The following DAPK2 variants were observed in gnomAD, a reference collection of about 807,000 sequenced individuals.
DAPK2 encodes death associated protein kinase 2, also known as death-associated protein kinase 2.
DAPK2 carries 35 observed loss-of-function variants against 44.1 expected under a neutral mutation model. The ratio of observed to expected loss-of-function variants is 0.79; its 90% CI spans 0.61 to 1.05. The LOEUF (loss-of-function observed/expected upper bound fraction) is 1.05, where lower values mean the gene tolerates loss of function less well. Ranked by LOEUF, DAPK2 falls within the 50% of genes least tolerant of loss-of-function variation. The probability of loss-of-function intolerance (pLI) is 0.00; values close to 1 mark genes in which losing one functional copy is unlikely to be tolerated. For synonymous variants in DAPK2, 174 were observed against 182.6 expected (o/e 0.95, Z 0.38); for missense variants, 453 against 483.2 (o/e 0.94, Z 0.59).
chr15:63,977,380 G>A (rs2078383420), intron 2 of DAPK2, among the ~76,000 whole-genome samples: 1 of 152,124 alleles, frequency 6.6e-6, no homozygotes, highest in South Asian at 2.1e-4. Flanking sequence ...GAGTAACCCT[G>A]GGTCTGCTCT....
chr15:63,910,465 G>C (rs553360778), intron 10 of DAPK2, among the ~76,000 whole-genome samples: 2 of 152,204 alleles, frequency 1.3e-5, no homozygotes, highest in East Asian at 1.9e-4. Flanking sequence ...CTCCATAAGC[G>C]GGGGGAGGGG....
intron 3 of DAPK2, among the ~76,000 whole-genome samples, chr15:63,949,642 T>A (rs1318756843): frequency 2.6e-5 from 4 of 152,196 alleles, no homozygotes; most frequent in African/African-American, 9.7e-5. Flanking sequence ...CACCAGGAGT[T>A]GGCTCCAAGA....
At chr15:64,038,584 T>C (rs433437) in intron 1 of DAPK2, among the ~76,000 whole-genome samples, 124,738 of 151,992 alleles carry the variant, frequency 0.82, 51,502 homozygotes, top group East Asian at 0.92. Flanking sequence ...CACCATCCAG[T>C]CAGCCAGGAC....
Position 63,923,275 on chromosome 15 carries a change from C to T in DAPK2, c.858+1541G>A, listed in dbSNP as rs1385335400. 2.6e-6 allele frequency: 4 copies of T among 1,535,802 alleles called. No homozygotes were observed. Among genetic ancestry groups the T allele is most frequent in the Non-Finnish European group, 3.5e-6 (4 of 1,146,754 alleles). Reference sequence around the variant, plus strand: ...AGTGGCATTTGAGAGTGTACTCTCTCAGGTGCTTGGTCTTCAGCTGGGTGG... The same window carrying T: ...AGTGGCATTTGAGAGTGTACTCTCTTAGGTGCTTGGTCTTCAGCTGGGTGG... On this transcript the variant is annotated intron_variant, in intron 8 of 10. Coordinates refer to ENST00000261891, the Ensembl canonical transcript of DAPK2. The surrounding 1 kb of genome is among the most constrained non-coding windows in gnomAD (Gnocchi z 4.2).
chr15:63,993,341 T>C (rs1018825578), intron 1 of DAPK2, among the ~76,000 whole-genome samples: 4 of 152,162 alleles, frequency 2.6e-5, no homozygotes, highest in African/African-American at 9.7e-5. Flanking sequence ...GAAAGGTCTT[T>C]TTACTTTCCC....
In DAPK2 at chr15:64,017,527, G is replaced by A. The variant is rs573739165; in HGVS notation, c.92+22643C>T. Among the ~76,000 whole-genome samples the A allele has an allele frequency of 3.5e-4, 53 of 152,290 alleles. No homozygotes were observed. The East Asian group carries it at 8.3e-3, about 24-fold the overall frequency. On this transcript the variant is annotated intron_variant, in intron 1 of 10. Coordinates refer to ENST00000261891, the Ensembl canonical transcript of DAPK2. ...CCTAGAGAGCCGCATTCCAGGACAC[G>A]GGCAGGTCCACACCTTAACAGGTGC... is the stretch of plus-strand genomic sequence containing the variant.
At chr15:63,977,479 T>A (rs1194249523) in intron 2 of DAPK2, among the ~76,000 whole-genome samples, 1 of 151,688 alleles carries the variant, frequency 6.6e-6, no homozygotes, top group Non-Finnish European at 1.5e-5. Context: ...CATGTGAGAG[T>A]TCTAGGGCTC....
At chr15:63,931,018 T>C (rs1023342856) in intron 4 of DAPK2, among the ~76,000 whole-genome samples, 1 of 152,052 alleles carries the variant, frequency 6.6e-6, no homozygotes, top group African/African-American at 2.4e-5. Flanking sequence ...TGAGCCATCA[T>C]TGCACCACTA....
chr15:63,979,428 G>A (rs1473936077), intron 2 of DAPK2, among the ~76,000 whole-genome samples: 1 of 152,170 alleles, frequency 6.6e-6, no homozygotes, highest in Non-Finnish European at 1.5e-5. Context: ...CCCTGCACCA[G>A]ACAACAGTTG....
rs925308399 is a variant in DAPK2 at position 64,016,906 on chromosome 15, C to T, written c.92+23264G>A. On this transcript the variant is annotated intron_variant, in intron 1 of 10. Transcript: ENST00000261891. ...AAGGAAGGAAGGAAGGAAGGACGGA[C>T]ATGTAAAATGCCCAGCATATGGCCT... Among the ~76,000 whole-genome samples the T allele has an allele frequency of 3.3e-5, 5 of 150,308 alleles. No individual in the cohort carries two copies. The South Asian group carries it at 8.4e-4, about 25-fold the overall frequency.
chr15:63,946,836 A>G (rs1030551657), intron 3 of DAPK2, among the ~76,000 whole-genome samples: 2 of 152,120 alleles, frequency 1.3e-5, no homozygotes, highest in Non-Finnish European at 2.9e-5. Flanking sequence ...CTGCCTACCA[A>G]TCTTCACCAG....
intron 1 of DAPK2, among the ~76,000 whole-genome samples, chr15:64,039,409 C>T (rs2080297323): frequency 1.3e-5 from 2 of 152,184 alleles, no homozygotes; most frequent in Non-Finnish European, 2.9e-5. Flanking sequence ...CAACTTTGGG[C>T]AACTTGCCCA....
At chr15:63,963,558 A>ATTTTGCTTTTT (rs2077971626) in intron 3 of DAPK2, among the ~76,000 whole-genome samples, 1 of 152,194 alleles carries the variant, frequency 6.6e-6, no homozygotes, top group Non-Finnish European at 1.5e-5. Context: ...GTTATTACTG[A>ATTTTGCTTTTT]TAAGTAAGGA....
intron 3 of DAPK2, among the ~76,000 whole-genome samples, chr15:63,968,291 G>A (rs1159960526): frequency 6.6e-6 from 1 of 152,224 alleles, no homozygotes; most frequent in Non-Finnish European, 1.5e-5. Flanking sequence ...GGGACCCACG[G>A]GTGGAAGAAT....
At chr15:64,025,106 C>G (rs1016851838) in intron 1 of DAPK2, among the ~76,000 whole-genome samples, 5 of 152,024 alleles carry the variant, frequency 3.3e-5, no homozygotes, top group African/African-American at 1.2e-4. Context: ...ATCCCAGGGT[C>G]ACAGACAGAA....
At chr15:64,015,079 G>A (rs1277310634) in intron 1 of DAPK2, among the ~76,000 whole-genome samples, 3 of 152,116 alleles carry the variant, frequency 2.0e-5, no homozygotes, top group Non-Finnish European at 2.9e-5. Context: ...CAGAAGAGGA[G>A]AGAAGAACAG....
rs748457266 is a variant in DAPK2 at position 63,923,180 on chromosome 15, C to T, written c.858+1636G>A. 40 of 1,535,736 alleles carry T rather than the reference C, an allele frequency of 2.6e-5. No individual in the cohort carries two copies. The highest frequency in any genetic ancestry group is 4.9e-5 in the East Asian group (2 of 40,914). The stretch of plus-strand genomic sequence containing the variant: ...CAGGGCACGGCATCCCAGGTCGACC[C>T]GAGCCACGTCTTCCACCACACAGGC... On this transcript the variant is annotated intron_variant, in intron 8 of 10. Coordinates refer to ENST00000261891, the Ensembl canonical transcript of DAPK2. This position sits in a 1 kb window ranked among gnomAD's most constrained non-coding sequence, Gnocchi z 4.2.
chr15:64,013,387 C>T lies in DAPK2; in HGVS notation c.92+26783G>A, dbSNP rs1158884538. ...GCAGTCTTAAGAGGCCAGGAACTAA[C>T]AGCTTAAACTACACTACGTGCCTTT... On this transcript the variant is annotated intron_variant, in intron 1 of 10. Coordinates refer to ENST00000261891, the Ensembl canonical transcript of DAPK2. This position sits in a 1 kb window ranked among gnomAD's most constrained non-coding sequence, Gnocchi z 4.7. 6.6e-6 allele frequency among the ~76,000 whole-genome samples: 1 copy of T among 152,220 alleles called. No individual in the cohort carries two copies. Among genetic ancestry groups the T allele is most frequent in the Non-Finnish European group, 1.5e-5 (1 of 68,038 alleles).
upstream of DAPK2, among the ~76,000 whole-genome samples, chr15:64,041,203 G>C (rs1218923720): frequency 1.3e-5 from 2 of 152,220 alleles, no homozygotes; most frequent in Non-Finnish European, 2.9e-5. Flanking sequence ...GACAGGAGGA[G>C]TGAGGCAAAT....
Sources: allele counts gnomAD v4.1 joint callset (sites outside exome capture counted in the v4.1 genomes callset), GRCh38; gene constraint gnomAD v4.1.1; non-coding constraint Gnocchi (gnomAD v3.1); transcripts MANE v1.5; gene names NCBI Gene and HGNC (gene_info 2026-07-23, HGNC 2026-07-21).